Variants in SDK1 observed in about 807,000 individuals in gnomAD.
SDK1 encodes the protein sidekick cell adhesion molecule 1, also known as protein sidekick-1.
A neutral mutation model predicts 245.5 loss-of-function variants in SDK1; 157 were observed. The observed-to-expected ratio is 0.64, with a 90% confidence interval of 0.56 to 0.73. The LOEUF (loss-of-function observed/expected upper bound fraction) is 0.73. Ranked by LOEUF, SDK1 falls within the 30% of genes least tolerant of loss-of-function variation. The probability of loss-of-function intolerance (pLI) is 0.00; values close to 1 mark genes in which losing one functional copy is unlikely to be tolerated. For missense variants in SDK1, 3,583 were observed against 3,002.3 expected, an observed-to-expected ratio of 1.19 and a Z score of -4.52; for synonymous variants, 1,647 against 1,278.5, an observed-to-expected ratio of 1.29 and a Z score of -6.15.
chr7:3,513,911 G>A (rs969590769), intron 1 of SDK1, among the ~76,000 whole-genome samples: 3 of 152,000 alleles, frequency 2.0e-5, no homozygotes, highest in African/African-American at 7.2e-5. Flanking sequence ...GCATTAATTT[G>A]CCTAGGATAG....
intron 1 of SDK1, among the ~76,000 whole-genome samples, chr7:3,573,373 G>C (rs1780177649): frequency 6.6e-6 from 1 of 152,086 alleles, no homozygotes; most frequent in Non-Finnish European, 1.5e-5. Context: ...GGGCTGAGCA[G>C]AGCACCCTTC....
chr7:3,705,608 A>C (rs1199921886), intron 4 of SDK1, among the ~76,000 whole-genome samples: 1 of 151,858 alleles, frequency 6.6e-6, no homozygotes, highest in Non-Finnish European at 1.5e-5. Flanking sequence ...GATTTTTGTG[A>C]ACTGAAACTT....
chr7:4,011,763 C>A (rs1785983897), intron 15 of SDK1, among the ~76,000 whole-genome samples: 1 of 151,962 alleles, frequency 6.6e-6, no homozygotes, highest in South Asian at 2.1e-4. Context: ...CCGGAGAAAA[C>A]AGTTTGGGAG....
rs773452342 is a variant in SDK1, at chr7:4,175,817, C to T, written c.4979C>T (p.Thr1660Met). The T allele has an allele frequency of 3.1e-5, 50 of 1,613,584 alleles. No homozygotes were observed. Among genetic ancestry groups the T allele is most frequent in the East Asian group, 1.3e-4 (6 of 44,886 alleles). The change falls in exon 34 of 45, where the codon ACG becomes ATG. Residue 1660 changes from threonine to methionine, a missense_variant. Coordinates refer to ENST00000404826, the MANE Select transcript of SDK1 (RefSeq NM_152744.4). ...ACGGTGAACAGCAGCTCCACATCGACGATGTGTGAACTAACACGTAAGTGC... is the reference window on the plus strand; with the variant it reads ...ACGGTGAACAGCAGCTCCACATCGATGATGTGTGAACTAACACGTAAGTGC... The part of the protein sequence containing the change: ...FKTVNSSSTS[T>M]MCELTHLKKY...
chr7:3,656,728 T>C (rs1783196699), intron 4 of SDK1, among the ~76,000 whole-genome samples: 1 of 150,822 alleles, frequency 6.6e-6, no homozygotes, highest in Admixed American at 6.7e-5. Flanking sequence ...TCAGGGTGTT[T>C]TGGTGGAAAT....
At chr7:3,515,709 T>C (rs779867112) in intron 1 of SDK1, among the ~76,000 whole-genome samples, 1 of 152,216 alleles carries the variant, frequency 6.6e-6, no homozygotes, top group Non-Finnish European at 1.5e-5. Flanking sequence ...AATGTTGATG[T>C]AAATTTTGCT....
At chr7:3,338,635 A>C (rs866324146) in intron 1 of SDK1, 99 of 185,152 alleles carry the variant, frequency 5.3e-4, no homozygotes, top group African/African-American at 6.8e-4. Flanking sequence ...AACAAACAAA[A>C]AAAAACACCA....
At chr7:3,894,959 G>A (rs1781563539) in intron 5 of SDK1, among the ~76,000 whole-genome samples, 1 of 152,006 alleles carries the variant, frequency 6.6e-6, no homozygotes, top group African/African-American at 2.4e-5. Flanking sequence ...GGGATTACAG[G>A]TGTGAGCCAC....
intron 1 of SDK1, among the ~76,000 whole-genome samples, chr7:3,508,683 T>C (rs1469434852): frequency 6.6e-6 from 1 of 152,198 alleles, no homozygotes; most frequent in African/African-American, 2.4e-5. Flanking sequence ...AAGAGACCTT[T>C]CCTGATTCTT....
intron 5 of SDK1, among the ~76,000 whole-genome samples, chr7:3,842,027 G>C (rs554554519): frequency 6.6e-6 from 1 of 152,200 alleles, no homozygotes; most frequent in Non-Finnish European, 1.5e-5. Context: ...GTAGCCTCAG[G>C]GGTAAGGGAT....
At chr7:3,913,771 A>C (rs1246516729) in intron 5 of SDK1, among the ~76,000 whole-genome samples, 1 of 152,166 alleles carries the variant, frequency 6.6e-6, no homozygotes, top group Admixed American at 6.5e-5. Context: ...AAATAAGAAA[A>C]CATATTTTGG....
intron 5 of SDK1, among the ~76,000 whole-genome samples, chr7:3,919,997 T>C (rs867747832): frequency 6.6e-6 from 1 of 151,274 alleles, no homozygotes; most frequent in Non-Finnish European, 1.5e-5. Context: ...CTTTAGGGAG[T>C]GGATGGCAAT....
intron 4 of SDK1, among the ~76,000 whole-genome samples, chr7:3,677,705 A>T (rs904492388): frequency 1.3e-5 from 2 of 152,222 alleles, no homozygotes; most frequent in Non-Finnish European, 2.9e-5. Context: ...AAGATTCAAT[A>T]TGTGAATATA....
At chr7:4,123,005 G>A (rs374712802) in intron 25 of SDK1, among the ~76,000 whole-genome samples, 6 of 152,146 alleles carry the variant, frequency 3.9e-5, no homozygotes, top group African/African-American at 7.2e-5. Flanking sequence ...TCAAAGCCCC[G>A]TTGGTGTCCG....
intron 29 of SDK1, among the ~76,000 whole-genome samples, 200 bp from the exon 30 acceptor site, chr7:4,149,062 A>G (rs1200187854): frequency 1.3e-5 from 2 of 151,266 alleles, no homozygotes; most frequent in African/African-American, 4.9e-5. Flanking sequence ...CTCAAAAACA[A>G]AACAAAACAA....
intron 14 of SDK1, among the ~76,000 whole-genome samples, chr7:4,007,993 C>T (rs576360772): frequency 1.8e-4 from 28 of 152,172 alleles, no homozygotes; most frequent in Middle Eastern, 3.2e-3. Flanking sequence ...GTTCTGCCAC[C>T]GTCACCACCA....
intron 5 of SDK1, among the ~76,000 whole-genome samples, chr7:3,922,154 G>C (rs115681429): frequency 6.6e-6 from 1 of 152,110 alleles, no homozygotes; most frequent in African/African-American, 2.4e-5. Flanking sequence ...AGTGGCTGAC[G>C]GTAGTCTCTG....
intron 5 of SDK1, among the ~76,000 whole-genome samples, chr7:3,834,879 G>A (rs182886788): frequency 1.2e-3 from 175 of 152,170 alleles, no homozygotes; most frequent in Middle Eastern, 6.8e-3. Context: ...TCCCCTCTCC[G>A]TCCCTGGCAT....
chr7:3,998,543 C>A (rs1257191912), intron 14 of SDK1, among the ~76,000 whole-genome samples: 1 of 152,158 alleles, frequency 6.6e-6, no homozygotes, highest in Non-Finnish European at 1.5e-5. Flanking sequence ...CAATACGCTT[C>A]AGCTTTTGGG....
Sources: allele counts gnomAD v4.1 joint callset (sites outside exome capture counted in the v4.1 genomes callset), GRCh38; gene constraint gnomAD v4.1.1; transcripts MANE v1.5; gene names NCBI Gene and HGNC (gene_info 2026-07-23, HGNC 2026-07-21).